GRK3: variants seen among roughly 807,000 people sequenced by gnomAD.
GRK3 encodes adrenergic, beta, receptor kinase 2.
In GRK3, 54 loss-of-function variants were observed where a neutral mutation model predicts 95.7. The ratio of observed to expected loss-of-function variants is 0.56; its 90% CI spans 0.45 to 0.71. The LOEUF is 0.71. GRK3 is among the 30% of genes least tolerant of loss of function. The pLI, the probability that GRK3 is intolerant of heterozygous loss-of-function variation, is 0.00. For missense variants in GRK3, 649 were observed against 851.2 expected (o/e 0.76, Z 2.96); for synonymous variants, 281 against 290.8 (o/e 0.97, Z 0.34).
intron 2 of GRK3, among the ~76,000 whole-genome samples, chr22:25,635,315 TTA>T (rs2084692112): frequency 6.6e-6 from 1 of 152,226 alleles, no homozygotes; most frequent in South Asian, 2.1e-4. Flanking sequence ...CTCTTGACCA[TTA>T]TATGTTTCAG....
At chr22:25,612,520 TTG>T (rs887005811) in intron 2 of GRK3, among the ~76,000 whole-genome samples, 18 of 150,618 alleles carry the variant, frequency 1.2e-4, no homozygotes, top group African/African-American at 3.9e-4. Context: ...GTGTGTGTGT[TTG>T]TGTGTGTGTG....
intron 4 of GRK3, among the ~76,000 whole-genome samples, chr22:25,663,241 TC>T (rs1961835964): frequency 6.6e-6 from 1 of 152,158 alleles, no homozygotes; most frequent in Admixed American, 6.5e-5. Context: ...CCCAGGCTGA[TC>T]GCGAACTTCT....
chr22:25,568,184 G>T (rs1445010109), intron 1 of GRK3, among the ~76,000 whole-genome samples: 1 of 152,156 alleles, frequency 6.6e-6, no homozygotes, highest in African/African-American at 2.4e-5. Context: ...TTTACATCAT[G>T]TTGGAAAAGA....
At chr22:25,601,931 A>G (rs1052057337) in intron 1 of GRK3, among the ~76,000 whole-genome samples, 3 of 152,228 alleles carry the variant, frequency 2.0e-5, no homozygotes, top group African/African-American at 7.2e-5. Context: ...TTGAGGCATG[A>G]AAGACTTCTT....
intron 1 of GRK3, among the ~76,000 whole-genome samples, chr22:25,585,631 G>C (rs1382356635): frequency 1.3e-5 from 2 of 152,240 alleles, no homozygotes; most frequent in Non-Finnish European, 2.9e-5. Flanking sequence ...TAATCATAAA[G>C]TTGTTGCTCT....
chr22:25,695,081 A>T (rs373249051), intron 12 of GRK3, 26 bp from the exon 13 acceptor site: 13 of 1,562,630 alleles, frequency 8.3e-6, no homozygotes, highest in Non-Finnish European at 9.7e-6. Context: ...ATGCTCTGAT[A>T]ACTGTGTATA....
intron 1 of GRK3, among the ~76,000 whole-genome samples, chr22:25,593,894 A>C (rs1293566213): frequency 6.6e-6 from 1 of 152,154 alleles, no homozygotes; most frequent in East Asian, 1.9e-4. Flanking sequence ...TGACTTTGTC[A>C]AAGATCAGAT....
chr22:25,639,503 A>G (rs1026930986), intron 2 of GRK3, among the ~76,000 whole-genome samples: 1 of 152,142 alleles, frequency 6.6e-6, no homozygotes, highest in Non-Finnish European at 1.5e-5. Context: ...CAGTGATTTA[A>G]TCTAATGCCA....
intron 3 of GRK3, among the ~76,000 whole-genome samples, chr22:25,650,732 G>C (rs1398026868): frequency 6.6e-6 from 1 of 152,154 alleles, no homozygotes; most frequent in Non-Finnish European, 1.5e-5. Flanking sequence ...GAGTTATAAG[G>C]TATAACTAAC....
chr22:25,573,515 C>T (rs1028368144), intron 1 of GRK3, among the ~76,000 whole-genome samples: 1 of 152,134 alleles, frequency 6.6e-6, no homozygotes, highest in Non-Finnish European at 1.5e-5. Context: ...AGGTACTAGG[C>T]ACTGTATAAT....
At chr22:25,649,043 A>G in intron 3 of GRK3, 1 of 1,406,910 alleles carries the variant, frequency 7.1e-7, no homozygotes, top group Non-Finnish European at 1.0e-6. Flanking sequence ...TGAACCATGA[A>G]ATACTGGAAC....
At chr22:25,577,319 T>C (rs531902510) in intron 1 of GRK3, among the ~76,000 whole-genome samples, 43 of 152,160 alleles carry the variant, frequency 2.8e-4, no homozygotes, top group African/African-American at 9.9e-4. Flanking sequence ...ACTACAGATG[T>C]GCACCACCAT....
intron 19 of GRK3, among the ~76,000 whole-genome samples, chr22:25,720,304 T>C (rs935112038): frequency 1.3e-5 from 2 of 152,148 alleles, no homozygotes; most frequent in African/African-American, 4.8e-5. Flanking sequence ...ATAATATGCA[T>C]GAGCAGATTT....
At chr22:25,688,130 G>A (rs1381374824) in intron 11 of GRK3, among the ~76,000 whole-genome samples, 2 of 151,770 alleles carry the variant, frequency 1.3e-5, no homozygotes, top group East Asian at 1.9e-4. Flanking sequence ...CAGCTACTCA[G>A]GAGGCTGAGG....
chr22:25,665,989 G>A (rs558786001), intron 5 of GRK3, among the ~76,000 whole-genome samples: 54 of 152,258 alleles, frequency 3.5e-4, no homozygotes, highest in Non-Finnish European at 6.5e-4. Context: ...GAATCTTACC[G>A]AATTCTCACG....
At chr22:25,632,645 T>G (rs1398893096) in intron 2 of GRK3, among the ~76,000 whole-genome samples, 1 of 152,192 alleles carries the variant, frequency 6.6e-6, no homozygotes, top group African/African-American at 2.4e-5. Flanking sequence ...ATTTTATAGT[T>G]TGAAGATTTA....
intron 11 of GRK3, among the ~76,000 whole-genome samples, chr22:25,689,538 G>A (rs1162231870): frequency 1.3e-5 from 2 of 152,110 alleles, no homozygotes; most frequent in South Asian, 2.1e-4. Flanking sequence ...ATGTATATCC[G>A]AGAGACTAGG....
At chr22:25,639,304 G>A (rs2084726213) in intron 2 of GRK3, among the ~76,000 whole-genome samples, 1 of 152,102 alleles carries the variant, frequency 6.6e-6, no homozygotes, top group South Asian at 2.1e-4. Flanking sequence ...TATTCTAGAA[G>A]CATTATAATT....
chr22:25,701,040 T>A (rs2085255089), intron 13 of GRK3, among the ~76,000 whole-genome samples: 2 of 152,228 alleles, frequency 1.3e-5, no homozygotes, highest in South Asian at 4.1e-4. Context: ...TTCCAACTCA[T>A]TTAGGGGAAA....
Sources: allele counts gnomAD v4.1 joint callset (sites outside exome capture counted in the v4.1 genomes callset), GRCh38; gene constraint gnomAD v4.1.1; transcripts MANE v1.5; gene names NCBI Gene and HGNC (gene_info 2026-07-23, HGNC 2026-07-21).